Variants in VPS13C observed in about 807,000 individuals in gnomAD.
VPS13C encodes the protein intermembrane lipid transfer protein VPS13C.
A neutral mutation model predicts 456.8 loss-of-function variants in VPS13C; 358 were observed. That is an observed-to-expected ratio of 0.78 (90% CI 0.72 to 0.86). The LOEUF (loss-of-function observed/expected upper bound fraction) is 0.86, where lower values mean the gene tolerates loss of function less well. VPS13C is among the 40% of genes least tolerant of loss of function. VPS13C has a pLI of 0.00. For missense variants in VPS13C, 4,818 were observed against 4,385.4 expected, an observed-to-expected ratio of 1.10 and a Z score of -2.79; for synonymous variants, 1,578 against 1,486.7, an observed-to-expected ratio of 1.06 and a Z score of -1.41.
intron 12 of VPS13C, among the ~76,000 whole-genome samples, chr15:62,011,076 T>C (rs2140508304): frequency 6.6e-6 from 1 of 152,156 alleles, no homozygotes; most frequent in Middle Eastern, 3.2e-3. Context: ...TTTATTATTG[T>C]CAAAATAATC....
At chr15:61,872,480 G>A (rs7166555) in intron 78 of VPS13C, among the ~76,000 whole-genome samples, 2,010 of 152,126 alleles carry the variant, frequency 0.013, 49 homozygotes, top group African/African-American at 0.045. Flanking sequence ...GGCCCTCCCA[G>A]GGACAGGTAA....
At position 61,913,221 on chromosome 15, in the gene VPS13C, C is replaced by T. The variant is rs572399459; in HGVS notation, c.8550+90G>A. The T allele has an allele frequency of 4.7e-5, 54 of 1,142,466 alleles. No individual in the cohort carries two copies. The South Asian group carries it at 6.6e-4, about 14-fold the overall frequency. The allele number at this position is 1,142,466 out of a possible 1,614,324, so 70.8% of individuals were successfully genotyped here. ...ACTATAAATCATGCTGCTATAAAGA[C>T]ACATGCACACATATGTTTATTCCAA... On this transcript the variant is annotated intron_variant, in intron 62 of 84. Transcript: ENST00000644861.
chr15:61,955,111 A>C (rs1275059423), intron 37 of VPS13C, among the ~76,000 whole-genome samples: 1 of 152,180 alleles, frequency 6.6e-6, no homozygotes, highest in Non-Finnish European at 1.5e-5. Context: ...GTGTTTCTGA[A>C]ATTCGTACAC....
Position 61,949,456 on chromosome 15 carries a change from GATACTTCTGGAC to G in VPS13C, c.4734_4745del (p.Glu1578_Ile1582delinsAsp). The stretch of plus-strand genomic sequence containing the variant: ...AAAAATTATTACCAGCTTTGACAGC[GATACTTCTGGAC>G]TCCCCCACAAGTGGTTTCAGCTCGG... On this transcript the variant is annotated inframe_deletion, in exon 42 of 85. Coordinates refer to ENST00000644861, the MANE Select transcript of VPS13C (RefSeq NM_020821.3). The G allele has an allele frequency of 1.2e-6, 2 of 1,609,826 alleles. No individual in the cohort carries two copies. Among genetic ancestry groups the G allele is most frequent in the Non-Finnish European group, 1.7e-6 (2 of 1,179,080 alleles).
At chr15:61,902,888 A>C (rs2043043706) in intron 66 of VPS13C, among the ~76,000 whole-genome samples, 1 of 151,660 alleles carries the variant, frequency 6.6e-6, no homozygotes, top group Non-Finnish European at 1.5e-5. Context: ...AAATTTGAAA[A>C]AAAAAAAAAA....
At chr15:62,050,362 A>G (rs1387671822) in intron 1 of VPS13C, among the ~76,000 whole-genome samples, 1 of 152,212 alleles carries the variant, frequency 6.6e-6, no homozygotes, top group Non-Finnish European at 1.5e-5. Flanking sequence ...AGGGTAGACA[A>G]TATACACAGT....
intron 9 of VPS13C, among the ~76,000 whole-genome samples, chr15:62,014,840 T>C (rs1273514795): frequency 6.6e-6 from 1 of 151,836 alleles, no homozygotes; most frequent in Non-Finnish European, 1.5e-5. Flanking sequence ...ATAGGAAGCA[T>C]AAAAGAGGGA....
intron 16 of VPS13C, among the ~76,000 whole-genome samples, chr15:61,998,539 T>C (rs1292710745): frequency 6.6e-6 from 1 of 152,136 alleles, no homozygotes; most frequent in African/African-American, 2.4e-5. Flanking sequence ...CCCTAAGACA[T>C]AGGTACTACT....
At chr15:61,859,930 G>C (rs1017449619) in intron 82 of VPS13C, among the ~76,000 whole-genome samples, 3 of 151,680 alleles carry the variant, frequency 2.0e-5, no homozygotes, top group Non-Finnish European at 4.4e-5. Flanking sequence ...TAAAGCTATA[G>C]CCTAAGAAAC....
chr15:61,882,694 G>T lies in VPS13C; in HGVS notation c.9526C>A (p.Arg3176Ser). Residue 3176 changes from arginine to serine, a missense_variant, in exon 69 of 85, where the codon CGT becomes AGT. Arg to Ser is a moderately radical substitution (Grantham distance 110). This residue lies in a region of VPS13C where 4,552 missense variants were observed against 4,130.6 expected (regional missense o/e 1.10). Coordinates refer to ENST00000644861, the MANE Select transcript of VPS13C (RefSeq NM_020821.3). Reference protein sequence around the residue: ...KDPMEMRLPIRSPIKRDFLSG... With the variant: ...KDPMEMRLPISSPIKRDFLSG... ...AAAAAGTCTCGTTTAATAGGGCTACGAATAGGGAGGCGCATTTCCATTGGA... is the reference window on the plus strand; with the variant it reads ...AAAAAGTCTCGTTTAATAGGGCTACTAATAGGGAGGCGCATTTCCATTGGA... 1.3e-6 allele frequency: 2 copies of T among 1,594,870 alleles called. No homozygotes were observed. The highest frequency in any genetic ancestry group is 1.7e-6 in the Non-Finnish European group (2 of 1,171,670).
chr15:61,862,930 A>G (rs879819158), intron 82 of VPS13C, among the ~76,000 whole-genome samples: 1 of 152,160 alleles, frequency 6.6e-6, no homozygotes, highest in Non-Finnish European at 1.5e-5. Context: ...TCTAGGATAG[A>G]TCCCAGGAAA....
intron 9 of VPS13C, among the ~76,000 whole-genome samples, chr15:62,018,329 T>C (rs1478958388): frequency 6.6e-6 from 1 of 151,998 alleles, no homozygotes; most frequent in East Asian, 1.9e-4. Context: ...CTATGTGGAA[T>C]AGGAGTGGTG....
At chr15:61,885,695 A>G (rs1316616230) in intron 67 of VPS13C, among the ~76,000 whole-genome samples, 2 of 152,080 alleles carry the variant, frequency 1.3e-5, no homozygotes. Flanking sequence ...AATGCTTTAC[A>G]TTTTCACTAG....
chr15:61,860,793 A>C lies in VPS13C; in HGVS notation c.10952+2647T>G, dbSNP rs546094050. On this transcript the variant is annotated intron_variant, in intron 82 of 84. Transcript: ENST00000644861. Reference sequence around the variant, plus strand: ...CTTTGGGTGCTGACATTGCTGGTAAAGGATATTTTTAGGGGTGATCATATA... The same window carrying C: ...CTTTGGGTGCTGACATTGCTGGTAACGGATATTTTTAGGGGTGATCATATA... Among the ~76,000 whole-genome samples, 4 of 152,148 alleles carry C rather than the reference A, an allele frequency of 2.6e-5. No homozygotes were observed. The South Asian group carries it at 8.3e-4, about 32-fold the overall frequency.
intron 9 of VPS13C, among the ~76,000 whole-genome samples, 194 bp downstream of exon 9, chr15:62,020,285 A>G (rs997036575): frequency 3.3e-5 from 5 of 151,958 alleles, no homozygotes; most frequent in Non-Finnish European, 7.4e-5. Context: ...GTTACACAGA[A>G]AGACAAAAAT....
At chr15:62,020,661 TGG>T (rs1436112007) in intron 8 of VPS13C, 123 bp from the exon 9 acceptor site, 3 of 819,020 alleles carry the variant, frequency 3.7e-6, no homozygotes, top group Non-Finnish European at 5.5e-6. Flanking sequence ...AATGGATTTG[TGG>T]AAAACACAGG....
At position 61,984,941 on chromosome 15, in the gene VPS13C, T is replaced by C. The variant is rs764337240; in HGVS notation, c.1637A>G (p.Asn546Ser). ...LVSTSVTIRE[N>S]KNIPEILKIQ... The stretch of plus-strand genomic sequence containing the variant: ...TTTTAGTATTTCTGGAATATTCTTG[T>C]TTTCTCTTATCGTAACAGAGGTGCT... The change falls in exon 19 of 85, where the codon AAC becomes AGC. Residue 546 changes from asparagine to serine, a missense_variant. Coordinates refer to ENST00000644861, the MANE Select transcript of VPS13C (RefSeq NM_020821.3). 3 of 1,611,950 alleles carry C rather than the reference T, an allele frequency of 1.9e-6. No individual in the cohort carries two copies. The highest frequency in any genetic ancestry group is 1.1e-5 in the South Asian group (1 of 90,382).
chr15:61,944,554 A>G (rs2044541289), intron 45 of VPS13C, among the ~76,000 whole-genome samples: 2 of 152,224 alleles, frequency 1.3e-5, no homozygotes, highest in South Asian at 4.2e-4. Context: ...AATACTACAT[A>G]TTTTCACTTA....
intron 18 of VPS13C, among the ~76,000 whole-genome samples, chr15:61,990,521 A>G (rs1293847988): frequency 1.3e-5 from 2 of 152,124 alleles, no homozygotes; most frequent in Non-Finnish European, 2.9e-5. Context: ...CTTAAATCTA[A>G]AGTTGGAGGC....
Sources: allele counts gnomAD v4.1 joint callset (sites outside exome capture counted in the v4.1 genomes callset), GRCh38; gene constraint gnomAD v4.1.1; regional missense constraint gnomAD v4.1.1; transcripts MANE v1.5; gene names NCBI Gene and HGNC (gene_info 2026-07-23, HGNC 2026-07-21).